The following FAT3 variants were observed in gnomAD, a reference collection of about 807,000 sequenced individuals.
The protein encoded by FAT3 is protocadherin Fat 3.
FAT3 carries 95 observed loss-of-function variants against 310.2 expected under a neutral mutation model. The observed-to-expected ratio is 0.31, with a 90% CI of 0.26 to 0.36. The LOEUF (loss-of-function observed/expected upper bound fraction) is 0.36. Ranked by LOEUF, FAT3 falls within the 10% of genes least tolerant of loss-of-function variation. The pLI, the probability that FAT3 is intolerant of heterozygous loss-of-function variation, is 1.00. For missense variants in FAT3, 5,408 were observed against 5,715.6 expected (o/e 0.95, Z 1.74); for synonymous variants, 2,314 against 2,192.9 (o/e 1.06, Z -1.54).
At chr11:92,711,044 AAC>A (rs1189328692) in intron 4 of FAT3, among the ~76,000 whole-genome samples, 11 of 152,138 alleles carry the variant, frequency 7.2e-5, no homozygotes, top group African/African-American at 2.4e-4. Flanking sequence ...ATTTAACAAA[AAC>A]AGAGAAGACA....
At chr11:92,855,980 C>CTTTTTTTTTTTTTTTTTTTTTTTTTTTT (rs58995060) in intron 19 of FAT3, among the ~76,000 whole-genome samples, 1 of 129,240 alleles carries the variant, frequency 7.7e-6, no homozygotes. Context: ...GGACAATATG[C>CTTTTTTTTTTTTTTTTTTTTTTTTTTTT]TTTTTTTTTT....
chr11:92,410,052 A>ATGTAAG (rs1461172647), intron 2 of FAT3, among the ~76,000 whole-genome samples: 2 of 152,192 alleles, frequency 1.3e-5, no homozygotes, highest in African/African-American at 4.8e-5. Flanking sequence ...AGGGTCAAAA[A>ATGTAAG]TGTAAGGAAT....
chr11:92,433,740 G>A (rs957880379), intron 2 of FAT3, among the ~76,000 whole-genome samples: 2 of 152,126 alleles, frequency 1.3e-5, no homozygotes, highest in Admixed American at 1.3e-4. Context: ...GCTGGGTGTG[G>A]TGGCTCACGC....
chr11:92,490,465 T>G (rs763508868), intron 2 of FAT3, among the ~76,000 whole-genome samples: 4 of 152,104 alleles, frequency 2.6e-5, no homozygotes, highest in Non-Finnish European at 5.9e-5. Context: ...TCAGATAACT[T>G]CCTGAGAAGT....
chr11:92,377,725 T>G (rs1161600837), intron 2 of FAT3, among the ~76,000 whole-genome samples: 1 of 152,188 alleles, frequency 6.6e-6, no homozygotes, highest in Admixed American at 6.5e-5. Flanking sequence ...TTGGGTCCTG[T>G]GTCTGGCTCA....
chr11:92,386,498 C>T lies in FAT3; in HGVS notation c.3292+31094C>T, dbSNP rs545201132. On this transcript the variant is annotated intron_variant, in intron 2 of 27. Transcript: ENST00000525166. ...TATCTGGTCCCTAGTTCATTGCCTA[C>T]TGCAATCATAAAAGCATAAAGGAAC... is the stretch of plus-strand genomic sequence containing the variant. Among the ~76,000 whole-genome samples the T allele has an allele frequency of 7.9e-5, 12 of 152,314 alleles. No homozygotes were observed. In the South Asian group the frequency reaches 1.2e-3, roughly 16 times the overall value.
intron 6 of FAT3, among the ~76,000 whole-genome samples, chr11:92,770,861 C>T (rs1033344335): frequency 6.6e-6 from 1 of 152,144 alleles, no homozygotes; most frequent in African/African-American, 2.4e-5. Flanking sequence ...AAAATATTTC[C>T]ATTTATGTCC....
intron 1 of FAT3, among the ~76,000 whole-genome samples, chr11:92,342,353 C>G (rs768477699): frequency 1.3e-5 from 2 of 152,154 alleles, no homozygotes; most frequent in African/African-American, 4.8e-5. Context: ...TCTTTCTCAA[C>G]AGGAAAGGGG....
At chr11:92,283,888 T>G (rs770882528) in intron 1 of FAT3, among the ~76,000 whole-genome samples, 1 of 152,124 alleles carries the variant, frequency 6.6e-6, no homozygotes, top group Non-Finnish European at 1.5e-5. Context: ...GATAAGTCCC[T>G]CTTCCTGACC....
At chr11:92,273,343 T>C (rs930756174) in intron 1 of FAT3, among the ~76,000 whole-genome samples, 1 of 152,016 alleles carries the variant, frequency 6.6e-6, no homozygotes, top group African/African-American at 2.4e-5. Flanking sequence ...CTGCCTCATC[T>C]CCCTCCTCCC....
chr11:92,239,685 G>A (rs1267049827), intron 1 of FAT3, among the ~76,000 whole-genome samples: 2 of 152,116 alleles, frequency 1.3e-5, no homozygotes, highest in Non-Finnish European at 2.9e-5. Flanking sequence ...TGCTTGCACA[G>A]GAGAGGTTGA....
At chr11:92,579,524 GTA>G (rs1446800983) in intron 3 of FAT3, among the ~76,000 whole-genome samples, 1 of 152,004 alleles carries the variant, frequency 6.6e-6, no homozygotes, top group Admixed American at 6.6e-5. Context: ...GGATAAAAGG[GTA>G]CATTCTATCA....
At chr11:92,688,311 C>T (rs1327142727) in intron 3 of FAT3, among the ~76,000 whole-genome samples, 1 of 152,142 alleles carries the variant, frequency 6.6e-6, no homozygotes. Flanking sequence ...CAGATGATGA[C>T]ATACGGGAGG....
intron 3 of FAT3, among the ~76,000 whole-genome samples, chr11:92,646,954 T>A (rs1942189932): frequency 6.6e-6 from 1 of 152,148 alleles, no homozygotes; most frequent in South Asian, 2.1e-4. Context: ...ACAGAATCCC[T>A]TGTGAGAATC....
Position 92,272,300 on chromosome 11 carries a change from G to A in FAT3, c.-18+47126G>A, listed in dbSNP as rs184259093. On this transcript the variant is annotated intron_variant, in intron 1 of 27. Transcript: ENST00000525166. The stretch of plus-strand genomic sequence containing the variant: ...GAGTAGAAATCAAGCACATAAGGCC[G>A]AGTGGGCTATGCCAATTTCTGGTTA... Among the ~76,000 whole-genome samples the A allele has an allele frequency of 5.2e-4, 79 of 152,146 alleles. 1 individual carries two copies. Among genetic ancestry groups the A allele is most frequent in the Middle Eastern group, 3.4e-3 (1 of 294 alleles).
At chr11:92,873,937 C>T (rs1279193753) in intron 22 of FAT3, among the ~76,000 whole-genome samples, 1 of 152,208 alleles carries the variant, frequency 6.6e-6, no homozygotes, top group Non-Finnish European at 1.5e-5. Context: ...TGTGTAACCT[C>T]GTGAAACCCA....
chr11:92,682,860 C>T (rs778833701), intron 3 of FAT3, among the ~76,000 whole-genome samples: 1 of 151,948 alleles, frequency 6.6e-6, no homozygotes, highest in Admixed American at 6.6e-5. Flanking sequence ...GGCAGATCAC[C>T]TGAGGTCAGG....
At chr11:92,705,756 T>TG (rs1944309190) in intron 4 of FAT3, among the ~76,000 whole-genome samples, 4 of 8,274 alleles carry the variant, frequency 4.8e-4, no homozygotes, top group Non-Finnish European at 9.0e-4. Flanking sequence ...GTGATGGTGC[T>TG]GTGATGGTGT....
intron 4 of FAT3, among the ~76,000 whole-genome samples, chr11:92,712,160 A>C (rs1944545173): frequency 6.6e-6 from 1 of 152,172 alleles, no homozygotes; most frequent in African/African-American, 2.4e-5. Context: ...CATGTCTCTG[A>C]GAGGGCACAT....
Sources: allele counts gnomAD v4.1 joint callset (sites outside exome capture counted in the v4.1 genomes callset), GRCh38; gene constraint gnomAD v4.1.1; transcripts MANE v1.5; gene names NCBI Gene and HGNC (gene_info 2026-07-23, HGNC 2026-07-21).